PHLPP2: variants seen among roughly 807,000 people sequenced by gnomAD.
PHLPP2 encodes the protein PH domain leucine-rich repeat-containing protein phosphatase 2.
Under a neutral mutation model 124.9 loss-of-function variants are expected in PHLPP2, and 66 were observed. The ratio of observed to expected loss-of-function variants is 0.53; its 90% CI spans 0.43 to 0.65. The LOEUF (loss-of-function observed/expected upper bound fraction) is 0.65, where lower values mean the gene tolerates loss of function less well. PHLPP2 is among the 30% of genes least tolerant of loss of function. The pLI, the probability that PHLPP2 is intolerant of heterozygous loss-of-function variation, is 0.00. For missense variants in PHLPP2, 1,685 were observed against 1,600.4 expected, an observed-to-expected ratio of 1.05 and a Z score of -0.90; for synonymous variants, 681 against 624.7, an observed-to-expected ratio of 1.09 and a Z score of -1.34.
At chr16:71,684,807 G>C in intron 4 of PHLPP2, 1 of 513,604 alleles carries the variant, frequency 1.9e-6, no homozygotes, top group Non-Finnish European at 3.5e-6. Context: ...CACATTAGCT[G>C]TGCTTTTGCT....
chr16:71,649,999 A>G lies in PHLPP2; in HGVS notation c.2863T>C (p.Cys955Arg). The G allele has an allele frequency of 6.2e-7, 1 of 1,612,956 alleles. No individual in the cohort carries two copies. Among genetic ancestry groups the G allele is most frequent in the Non-Finnish European group, 8.5e-7 (1 of 1,179,994 alleles). The change falls in exon 19 of 19, where the codon TGT becomes CGT. Residue 955 changes from cysteine to arginine, a missense_variant. By Grantham distance (180) the Cys-to-Arg change is radical (BLOSUM62 -3). Transcript: ENST00000568954. ...GVTCCTRMLGCTYLYPWILPK... is the reference protein window; with the variant it reads ...GVTCCTRMLGRTYLYPWILPK... The stretch of plus-strand genomic sequence containing the variant: ...AGGATCCAAGGGTAGAGGTATGTAC[A>G]GCCCAGCATCCGGGTACAGCAGGTT...
At chr16:71,702,932 T>C (rs548444294) in intron 2 of PHLPP2, among the ~76,000 whole-genome samples, 10 of 152,284 alleles carry the variant, frequency 6.6e-5, no homozygotes, top group South Asian at 4.1e-4. Flanking sequence ...AAGTAATTTC[T>C]CATCCTTCAC....
At chr16:71,668,535 G>T (rs1335938636) in intron 11 of PHLPP2, among the ~76,000 whole-genome samples, 2 of 151,670 alleles carry the variant, frequency 1.3e-5, no homozygotes, top group Non-Finnish European at 2.9e-5. Context: ...GCTGAGATGG[G>T]CCCATTGCTT....
chr16:71,669,810 T>A (rs1187535438), intron 10 of PHLPP2, among the ~76,000 whole-genome samples: 3 of 152,160 alleles, frequency 2.0e-5, no homozygotes, highest in Non-Finnish European at 4.4e-5. Flanking sequence ...AAGCAAAAGA[T>A]AACTAGTGGG....
chr16:71,703,057 TA>T (rs1248680768), intron 2 of PHLPP2, among the ~76,000 whole-genome samples: 1 of 152,210 alleles, frequency 6.6e-6, no homozygotes, highest in African/African-American at 2.4e-5. Flanking sequence ...GTTTCTGAGT[TA>T]TTTCACTGAA....
Position 71,714,577 on chromosome 16 carries a change from T to C in PHLPP2, c.219A>G (p.Ala73=), listed in dbSNP as rs778881268. 6 of 1,614,054 alleles carry C rather than the reference T, an allele frequency of 3.7e-6. No individual in the cohort carries two copies. In the South Asian group the frequency reaches 4.4e-5, roughly 12 times the overall value. Residue 73 remains alanine, a synonymous_variant, in exon 2 of 19, where the codon GCA becomes GCG. Coordinates refer to ENST00000568954, the MANE Select transcript of PHLPP2 (RefSeq NM_015020.3). ...HLVLCTVETP[A]SEICAGEGRE... is the part of the protein sequence containing the mutation. ...TTCCCTCTCCAGCACATATTTCTGA[T>C]GCTGGTGTCTCTACAGTGCAAAGGA...
At chr16:71,722,050 G>A (rs1215689235) in intron 1 of PHLPP2, among the ~76,000 whole-genome samples, 4 of 152,172 alleles carry the variant, frequency 2.6e-5, no homozygotes, top group Admixed American at 1.3e-4. Flanking sequence ...AAATGAGTGG[G>A]AGATGACTCT....
chr16:71,679,029 A>G, intron 7 of PHLPP2, 44 bp from the exon 8 acceptor site: 1 of 1,036,110 alleles, frequency 9.7e-7, no homozygotes, highest in Non-Finnish European at 1.5e-6. Flanking sequence ...GAAAGGTTTC[A>G]CTGGAATGCA....
rs778851736 is a variant in PHLPP2 at position 71,649,195 on chromosome 16, T to C, written c.3667A>G (p.Arg1223Gly). 1.2e-6 allele frequency: 2 copies of C among 1,614,014 alleles called. No homozygotes were observed. Among genetic ancestry groups the C allele is most frequent in the African/African-American group, 1.3e-5 (1 of 74,914 alleles). The change falls in exon 19 of 19, where the codon AGG becomes GGG. Residue 1223 changes from arginine to glycine, a missense_variant. Arg to Gly is a moderately radical substitution (Grantham distance 125). Transcript: ENST00000568954. ...SGMLLPMSKD[R>G]MELQKSPSTS... ...GAGGGAGACTTCTGTAACTCCATCC[T>C]GTCCTTGCTCATTGGCAGGAGCATG...
chr16:71,655,506 T>A, intron 16 of PHLPP2, 72 bp from the exon 17 acceptor site: 1 of 826,032 alleles, frequency 1.2e-6, no homozygotes, highest in Non-Finnish European at 1.7e-6. Context: ...GAGCATTCTT[T>A]TTTTTTTTTT....
chr16:71,721,159 C>T (rs1242295156), intron 1 of PHLPP2, among the ~76,000 whole-genome samples: 2 of 151,150 alleles, frequency 1.3e-5, no homozygotes, highest in Middle Eastern at 3.2e-3. Context: ...AAGGTAAGAC[C>T]TCATCTCTAC....
intron 5 of PHLPP2, among the ~76,000 whole-genome samples, chr16:71,682,801 T>C (rs1233889925): frequency 6.6e-6 from 1 of 152,160 alleles, no homozygotes; most frequent in Non-Finnish European, 1.5e-5. Context: ...AAAACAAGCT[T>C]GATAGTTCTA....
intron 1 of PHLPP2, among the ~76,000 whole-genome samples, chr16:71,722,077 T>A (rs2045401977): frequency 1.3e-5 from 2 of 150,708 alleles, no homozygotes; most frequent in Admixed American, 1.3e-4. Context: ...TTCAGAGTAT[T>A]CTACTGTAAT....
intron 12 of PHLPP2, among the ~76,000 whole-genome samples, chr16:71,665,299 A>G (rs1448196333): frequency 1.3e-5 from 2 of 152,186 alleles, no homozygotes; most frequent in East Asian, 3.9e-4. Context: ...ACACAGCTAG[A>G]CTGCATTTCA....
chr16:71,681,213 G>C (rs1314107370), intron 6 of PHLPP2, among the ~76,000 whole-genome samples: 1 of 152,126 alleles, frequency 6.6e-6, no homozygotes, highest in African/African-American at 2.4e-5. Context: ...GGTGGGATGA[G>C]TGGAGTGTGG....
chr16:71,704,250 C>T (rs1448821229), intron 2 of PHLPP2, among the ~76,000 whole-genome samples: 1 of 144,410 alleles, frequency 6.9e-6, no homozygotes, highest in Non-Finnish European at 1.5e-5. Flanking sequence ...GAAGAGCTTG[C>T]AGTGAGCCGA....
intron 13 of PHLPP2, among the ~76,000 whole-genome samples, chr16:71,660,000 T>C (rs2044774573): frequency 6.6e-6 from 1 of 152,120 alleles, no homozygotes; most frequent in Non-Finnish European, 1.5e-5. Flanking sequence ...AGAAATTTCA[T>C]ATTTTTAAAT....
chr16:71,655,231 C>A lies in PHLPP2; in HGVS notation c.2585+9G>T. 6.3e-7 allele frequency: 1 copy of A among 1,595,696 alleles called. No homozygotes were observed. On this transcript the variant is annotated intron_variant, in intron 17 of 18. Coordinates refer to ENST00000568954, the MANE Select transcript of PHLPP2 (RefSeq NM_015020.3). ...ACTGAGTTAGGGATTTTTCAACCCA[C>A]CTGCTTACCTGTGAGATACCAAGAA...
intron 6 of PHLPP2, among the ~76,000 whole-genome samples, chr16:71,680,253 G>A (rs1401538609): frequency 6.6e-6 from 1 of 152,116 alleles, no homozygotes; most frequent in Non-Finnish European, 1.5e-5. Context: ...CAGAGCAATA[G>A]CTAACAAATA....
Sources: allele counts gnomAD v4.1 joint callset (sites outside exome capture counted in the v4.1 genomes callset), GRCh38; gene constraint gnomAD v4.1.1; transcripts MANE v1.5; gene names NCBI Gene and HGNC (gene_info 2026-07-23, HGNC 2026-07-21).